Variants in MMP10 observed in about 807,000 individuals in gnomAD.
MMP10 encodes stromelysin-2.
Under a neutral mutation model 49.1 loss-of-function variants are expected in MMP10, and 50 were observed. That is an observed-to-expected ratio of 1.02 (90% CI 0.81 to 1.29). MMP10 has a LOEUF of 1.29. Among genes scored for constraint, MMP10 ranks in the 50% most tolerant of loss-of-function variants. The probability of loss-of-function intolerance (pLI) is 0.00; values close to 1 mark genes in which losing one functional copy is unlikely to be tolerated. For missense variants in MMP10, 613 were observed against 563.8 expected, an observed-to-expected ratio of 1.09 and a Z score of -0.88; for synonymous variants, 229 against 201.6, an observed-to-expected ratio of 1.14 and a Z score of -1.15.
chr11:102,779,182 C>T, intron 3 of MMP10, 31 bp downstream of exon 3: 2 of 1,610,504 alleles, frequency 1.2e-6, no homozygotes, highest in African/African-American at 1.3e-5. Flanking sequence ...CAGATGAATA[C>T]ACCAGATAAA....
chr11:102,774,648 T>C (rs983469827), intron 7 of MMP10, among the ~76,000 whole-genome samples: 2 of 152,138 alleles, frequency 1.3e-5, no homozygotes, highest in Non-Finnish European at 2.9e-5. Context: ...CAAGAAGTAA[T>C]AGAAACTCTA....
At chr11:102,776,190 TAA>T in intron 6 of MMP10, 88 bp downstream of exon 6, 1 of 1,212,702 alleles carries the variant, frequency 8.2e-7, no homozygotes, top group Non-Finnish European at 1.1e-6. Flanking sequence ...AACCTAAAAT[TAA>T]AAAAAAAGCT....
rs1565453669 is a variant in MMP10 at position 102,770,765 on chromosome 11, AC to A, written c.*27del. 7.2e-7 allele frequency: 1 copy of A among 1,384,694 alleles called. No homozygotes were observed. Among genetic ancestry groups the A allele is most frequent in the African/African-American group, 1.5e-5 (1 of 68,708 alleles). The allele number at this position is 1,384,694 out of a possible 1,614,324, so 85.8% of individuals were successfully genotyped here. A position where few individuals can be genotyped will look rare whatever the true frequency, so the allele number is the denominator to read the frequency against. ...AATAATTATTAGATTTATTAAAAAC[AC>A]CCATATCTGTCTTCCCCCTATCTCG... On this transcript the variant is annotated 3_prime_UTR_variant, in exon 10 of 10. Transcript: ENST00000279441.
chr11:102,772,989 T>C lies in MMP10; in HGVS notation c.1084A>G (p.Ile362Val). 3 of 1,609,036 alleles carry C rather than the reference T, an allele frequency of 1.9e-6. No homozygotes were observed. The highest frequency in any genetic ancestry group is 2.5e-6 in the Non-Finnish European group (3 of 1,178,382). Reference protein sequence around the residue: ...FIFKGNEFWAIRGNEVQAGYP... With the variant: ...FIFKGNEFWAVRGNEVQAGYP... ...CCTGCTTGTACCTCATTTCCTCTGA[T>C]GGCCCAGAACTCATTTCCTATTGAA... Residue 362 changes from isoleucine to valine, a missense_variant, in exon 8 of 10, where the codon ATC becomes GTC. Transcript: ENST00000279441. The surrounding 1 kb of genome is among the most constrained non-coding windows in gnomAD (Gnocchi z 4.4).
chr11:102,778,732 A>G lies in MMP10; in HGVS notation c.514T>C (p.Ser172Pro). Residue 172 changes from serine to proline, a missense_variant, in exon 4 of 10, where the codon TCT (serine) becomes CCT (proline). Ser to Pro is a moderately conservative substitution (Grantham distance 74, BLOSUM62 -1). Coordinates refer to ENST00000279441, the MANE Select transcript of MMP10 (RefSeq NM_002425.3). ...FAVKEHGDFY[S>P]FDGPGHSLAH... ...AAACTGTGTCCTGGGCCATCAAAAGAGTAAAAGTCTCCATGTTCTGATAGG... is the reference window on the plus strand; with the variant it reads ...AAACTGTGTCCTGGGCCATCAAAAGGGTAAAAGTCTCCATGTTCTGATAGG... 2 of 1,613,948 alleles carry G rather than the reference A, an allele frequency of 1.2e-6. No homozygotes were observed. The highest frequency in any genetic ancestry group is 1.7e-6 in the Non-Finnish European group (2 of 1,179,950).
At position 102,778,540 on chromosome 11, in the gene MMP10, T is replaced by A. The variant is rs539271178; in HGVS notation, c.622+84A>T. On this transcript the variant is annotated intron_variant, in intron 4 of 9. Coordinates refer to ENST00000279441, the MANE Select transcript of MMP10 (RefSeq NM_002425.3). The stretch of plus-strand genomic sequence containing the variant: ...AATTCAGTTACTAGTATATTCGATT[T>A]ATTGCTCGTTCTAGATAATCCAATT... 3.3e-6 allele frequency: 5 copies of A among 1,536,984 alleles called. No individual in the cohort carries two copies. The East Asian group carries it at 9.1e-5, about 28-fold the overall frequency.
At position 102,770,919 on chromosome 11, in the gene MMP10, T is replaced by G. The variant is rs17861008; in HGVS notation, c.1331-26A>C. 1.5e-3 allele frequency: 2,177 copies of G among 1,427,056 alleles called. 8 individuals are homozygous for G. In the Middle Eastern group the frequency reaches 0.017, roughly 11 times the overall value. 88.4% of individuals were successfully genotyped at this position (1,427,056 alleles called of 1,614,324 possible). On this transcript the variant is annotated intron_variant, in intron 9 of 9. Coordinates refer to ENST00000279441, the MANE Select transcript of MMP10 (RefSeq NM_002425.3). ...CTGTAAATATAGATAAGGAAAATGA[T>G]GAGACATCTTCAAATATGTCATTTT...
chr11:102,772,302 A>G lies in MMP10; in HGVS notation c.1227-187T>C, dbSNP rs1376039902. On this transcript the variant is annotated intron_variant, in intron 8 of 9. Coordinates refer to ENST00000279441, the MANE Select transcript of MMP10 (RefSeq NM_002425.3). This position sits in a 1 kb window ranked among gnomAD's most constrained non-coding sequence, Gnocchi z 4.4. ...TCCTGGGCTTACAAGTTTAACACAT[A>G]AAACAATATTTTCCAGAAACAGGAA... Among the ~76,000 whole-genome samples the G allele has an allele frequency of 6.6e-6, 1 of 152,242 alleles. No individual in the cohort carries two copies. The highest frequency in any genetic ancestry group is 1.5e-5 in the Non-Finnish European group (1 of 68,040).
rs369950180 is a variant in MMP10, at chr11:102,773,061, A to T, written c.1067-55T>A. 8 of 1,517,484 alleles carry T rather than the reference A, an allele frequency of 5.3e-6. No homozygotes were observed. The South Asian group carries it at 7.6e-5, about 14-fold the overall frequency. 94.0% of individuals were successfully genotyped at this position (1,517,484 alleles called of 1,614,324 possible). On this transcript the variant is annotated intron_variant, in intron 7 of 9. Coordinates refer to ENST00000279441, the MANE Select transcript of MMP10 (RefSeq NM_002425.3). The stretch of plus-strand genomic sequence containing the variant: ...ACTTGAAGCCATTGATTTTAAAAAT[A>T]ATTATAGTGCATTGTTGTGGTAAAG...
rs755713885 is a variant in MMP10, at chr11:102,770,835, C to T, written c.1389G>A (p.Met463Ile). The change falls in exon 10 of 10, where the codon ATG becomes ATA. Residue 463 changes from methionine to isoleucine, a missense_variant. Transcript: ENST00000279441. The stretch of plus-strand genomic sequence containing the variant: ...TGTTACTCTTTAATATGTGTGTCAC[C>T]ATCCTGGCATTGGGGTCAAACTCAA... The part of the protein sequence containing the change: ...SQFEFDPNAR[M>I]VTHILKSNSW... 3.1e-6 allele frequency: 5 copies of T among 1,612,872 alleles called. No homozygotes were observed. The highest frequency in any genetic ancestry group is 1.1e-5 in the South Asian group (1 of 90,842).
rs1400398874 is a variant in MMP10 at position 102,772,894 on chromosome 11, G to A, written c.1179C>T (p.Asp393=). ...TIRKIDAAVS[D]KEKKKTYFFA... ...AGAAGTATGTTTTCTTCTTTTCCTT[G>A]TCAGAAACAGCTGCATCAATTTTCC... is the stretch of plus-strand genomic sequence containing the variant. Residue 393 remains aspartate (D), a synonymous_variant, in exon 8 of 10, where the codon GAC becomes GAT. Transcript: ENST00000279441. This position sits in a 1 kb window ranked among gnomAD's most constrained non-coding sequence, Gnocchi z 4.4. The A allele has an allele frequency of 6.2e-7, 1 of 1,613,538 alleles. No individual in the cohort carries two copies. The highest frequency in any genetic ancestry group is 8.5e-7 in the Non-Finnish European group (1 of 1,179,748).
Position 102,772,262 on chromosome 11 carries a change from A to C in MMP10, c.1227-147T>G. ...AAGTGTTAAACATTTTTAGAGCTAC[A>C]AGAATAGGTTACTTTCCTGGGCTTA... On this transcript the variant is annotated intron_variant, in intron 8 of 9. Coordinates refer to ENST00000279441, the MANE Select transcript of MMP10 (RefSeq NM_002425.3). This position sits in a 1 kb window ranked among gnomAD's most constrained non-coding sequence, Gnocchi z 4.4. 4 of 567,252 alleles carry C rather than the reference A, an allele frequency of 7.1e-6. No individual in the cohort carries two copies. The allele number at this position is 567,252 out of a possible 1,614,324, so 35.1% of individuals were successfully genotyped here. A position where few individuals can be genotyped will look rare whatever the true frequency, so the allele number is the denominator to read the frequency against.
At chr11:102,778,882 C>T in intron 3 of MMP10, 133 bp from the exon 4 acceptor site, 1 of 1,094,768 alleles carries the variant, frequency 9.1e-7, no homozygotes, top group Non-Finnish European at 1.3e-6. Context: ...ACTCAATGCC[C>T]AATGAAATAT....
intron 1 of MMP10, 70 bp from the exon 2 acceptor site, chr11:102,779,815 C>A: frequency 6.7e-7 from 1 of 1,503,630 alleles, no homozygotes; most frequent in Non-Finnish European, 8.9e-7. Context: ...TATAATCCAT[C>A]GTAATTTTCC....
chr11:102,776,706 A>C lies in MMP10; in HGVS notation c.693T>G (p.Thr231=). The stretch of plus-strand genomic sequence containing the variant: ...TGTAGAGTGGGTACATCAAAGCTTC[A>C]GTGTTGGCTGAGTGAAAGAGCCCCA... ...HSLGLFHSAN[T]EALMYPLYNS... The change falls in exon 5 of 10, where the codon ACT becomes ACG. Residue 231 remains threonine (T), a synonymous_variant. Transcript: ENST00000279441. 1.2e-6 allele frequency: 2 copies of C among 1,614,036 alleles called. No homozygotes were observed. The highest frequency in any genetic ancestry group is 1.7e-6 in the Non-Finnish European group (2 of 1,179,948).
At chr11:102,775,617 A>G (rs930562432) in intron 6 of MMP10, among the ~76,000 whole-genome samples, 47 of 152,304 alleles carry the variant, frequency 3.1e-4, no homozygotes, top group African/African-American at 1.1e-3. Flanking sequence ...CATTTTTGTA[A>G]AGAGTCAAAG....
At position 102,779,760 on chromosome 11, in the gene MMP10, A is replaced by T. The variant is rs1390850581; in HGVS notation, c.106-15T>A. 1.3e-6 allele frequency: 2 copies of T among 1,593,330 alleles called. No homozygotes were observed. The highest frequency in any genetic ancestry group is 1.7e-6 in the Non-Finnish European group (2 of 1,166,826). On this transcript the variant is annotated splice_polypyrimidine_tract_variant and intron_variant, in intron 1 of 9. Transcript: ENST00000279441. ...TCTAGGTATTGCTAATGGAAAATAG[A>T]ATTTTTAGGGCATTTTTGTGATTTT...
chr11:102,780,429 G>A, intron 1 of MMP10, 58 bp downstream of exon 1: 1 of 1,409,318 alleles, frequency 7.1e-7, no homozygotes, highest in Non-Finnish European at 1.0e-6. Flanking sequence ...TGTATTGGAA[G>A]ACCAAGTAGA....
chr11:102,776,064 A>C (rs1857728233), intron 6 of MMP10, among the ~76,000 whole-genome samples: 1 of 152,056 alleles, frequency 6.6e-6, no homozygotes, highest in Non-Finnish European at 1.5e-5. Flanking sequence ...ATCTCTGTCA[A>C]GCAGAAAAAG....
Sources: allele counts gnomAD v4.1 joint callset (sites outside exome capture counted in the v4.1 genomes callset), GRCh38; gene constraint gnomAD v4.1.1; non-coding constraint Gnocchi (gnomAD v3.1); transcripts MANE v1.5; gene names NCBI Gene and HGNC (gene_info 2026-07-23, HGNC 2026-07-21).